NTRK2: variants seen among roughly 807,000 people sequenced by gnomAD.
The protein encoded by NTRK2 is neurotrophic receptor tyrosine kinase 2.
Under a neutral mutation model 94.5 loss-of-function variants are expected in NTRK2, and 13 were observed. The ratio of observed to expected loss-of-function variants is 0.14; its 90% CI spans 0.09 to 0.22. The LOEUF (loss-of-function observed/expected upper bound fraction) is 0.22. Ranked by LOEUF, NTRK2 falls within the 10% of genes least tolerant of loss-of-function variation. NTRK2 has a pLI of 1.00. For synonymous variants in NTRK2, 372 were observed against 407.4 expected (o/e 0.91, Z 1.05); for missense variants, 639 against 1,071.2 (o/e 0.60, Z 5.63).
intron 17 of NTRK2, among the ~76,000 whole-genome samples, chr9:85,014,824 G>A (rs981785283): frequency 2.6e-5 from 4 of 152,152 alleles, no homozygotes; most frequent in African/African-American, 4.8e-5. Flanking sequence ...TAACTAGAAC[G>A]CAGTTGTTAT....
chr9:84,924,794 A>G (rs891783989), intron 14 of NTRK2, among the ~76,000 whole-genome samples: 2 of 152,162 alleles, frequency 1.3e-5, no homozygotes, highest in African/African-American at 4.8e-5. Flanking sequence ...ACTCCTATGG[A>G]CACTTGCTCT....
chr9:84,934,194 C>T lies in NTRK2; in HGVS notation c.1666C>T (p.Leu556=), dbSNP rs2132718727. 6.2e-7 allele frequency: 1 copy of T among 1,613,966 alleles called. No homozygotes were observed. The highest frequency in any genetic ancestry group is 8.5e-7 in the Non-Finnish European group (1 of 1,179,944). ...GCACATCAAGCGACATAACATTGTT[C>T]TGAAAAGGGAGCTAGGCGAAGGAGC... ...VQHIKRHNIV[L]KRELGEGAFG... is the part of the protein sequence containing the mutation. The change falls in exon 15 of 19, where the codon CTG becomes TTG. Residue 556 remains leucine, a synonymous_variant. Transcript: ENST00000277120.
intron 12 of NTRK2, among the ~76,000 whole-genome samples, chr9:84,790,698 G>C (rs182975399): frequency 6.6e-6 from 1 of 152,170 alleles, no homozygotes; most frequent in South Asian, 2.1e-4. Context: ...TAAGTGTGGG[G>C]CAGATGAGAT....
intron 12 of NTRK2, among the ~76,000 whole-genome samples, chr9:84,804,103 C>T (rs530710558): frequency 6.6e-6 from 1 of 151,980 alleles, no homozygotes; most frequent in South Asian, 2.1e-4. Flanking sequence ...AAAAGTGTTG[C>T]TTCATGACAA....
intron 13 of NTRK2, among the ~76,000 whole-genome samples, chr9:84,864,748 T>TC (rs1166472708): frequency 6.8e-6 from 1 of 146,428 alleles, no homozygotes; most frequent in Non-Finnish European, 1.5e-5. Context: ...TTTTTTTTTT[T>TC]TTTTTTTTTT....
rs535584635 is a variant in NTRK2, at chr9:84,704,289, C to T, written c.359+1870C>T. On this transcript the variant is annotated intron_variant, in intron 4 of 18. Transcript: ENST00000277120. ...TGTCACCCAGGCTGGAGTGCAGTGGCTCGATCTCGGCTCACTGCAAGCTCC... is the reference window on the plus strand; with the variant it reads ...TGTCACCCAGGCTGGAGTGCAGTGGTTCGATCTCGGCTCACTGCAAGCTCC... Among the ~76,000 whole-genome samples the T allele has an allele frequency of 7.8e-5, 10 of 127,848 alleles. No homozygotes were observed. In the Admixed American group the frequency reaches 1.0e-3, roughly 13 times the overall value. The allele number at this position is 127,848 out of a possible 152,430, so 83.9% of individuals were successfully genotyped here.
intron 11 of NTRK2, among the ~76,000 whole-genome samples, chr9:84,749,548 T>G (rs1198385515): frequency 6.6e-6 from 1 of 152,202 alleles, no homozygotes; most frequent in Non-Finnish European, 1.5e-5. Context: ...GCTCAGAAGG[T>G]GTGACTGTGA....
intron 6 of NTRK2, among the ~76,000 whole-genome samples, chr9:84,722,557 G>A (rs1210686511): frequency 6.6e-6 from 1 of 152,082 alleles, no homozygotes; most frequent in Admixed American, 6.5e-5. Flanking sequence ...TCAAGACATA[G>A]CTGTCGGGTG....
chr9:84,746,748 C>G (rs2064116739), intron 11 of NTRK2, among the ~76,000 whole-genome samples: 1 of 152,242 alleles, frequency 6.6e-6, no homozygotes, highest in African/African-American at 2.4e-5. Context: ...GGCTCCCCAT[C>G]CCAGGCATTT....
At chr9:84,720,017 C>CA (rs57132074) in intron 6 of NTRK2, among the ~76,000 whole-genome samples, 3,218 of 87,292 alleles carry the variant, frequency 0.037, 146 homozygotes, top group African/African-American at 0.11. Context: ...AAGACTATCT[C>CA]AAAAAAAAAA....
Position 85,022,190 on chromosome 9 carries a change from C to T in NTRK2, c.*753C>T, listed in dbSNP as rs201661498. 9 of 233,152 alleles carry T rather than the reference C, an allele frequency of 3.9e-5. No homozygotes were observed. The highest frequency in any genetic ancestry group is 7.6e-5 in the Non-Finnish European group (9 of 118,076). 14.4% of individuals were successfully genotyped at this position (233,152 alleles called of 1,614,324 possible). A position where few individuals can be genotyped will look rare whatever the true frequency, so the allele number is the denominator to read the frequency against. On this transcript the variant is annotated 3_prime_UTR_variant, in exon 19 of 19. Transcript: ENST00000277120. ...TTAGGAAATACTCAGCAACTGTTAG[C>T]TGGGAAGAATGTATTCGGCACCTTC...
chr9:84,743,312 A>G (rs989783560), intron 10 of NTRK2, among the ~76,000 whole-genome samples: 3 of 152,178 alleles, frequency 2.0e-5, no homozygotes, highest in Admixed American at 6.5e-5. Context: ...TATTTTCTGT[A>G]AAATATTCTG....
At chr9:84,974,760 A>C (rs1826603090) in intron 17 of NTRK2, among the ~76,000 whole-genome samples, 1 of 152,130 alleles carries the variant, frequency 6.6e-6, no homozygotes, top group Non-Finnish European at 1.5e-5. Context: ...AGGTCCCCTT[A>C]GAACTTCCAA....
chr9:84,751,845 T>C, intron 11 of NTRK2, 141 bp from the exon 12 acceptor site: 1 of 715,292 alleles, frequency 1.4e-6, no homozygotes, highest in East Asian at 2.7e-5. Context: ...TTGGTGTACA[T>C]AAGGCTGTTA....
At chr9:84,850,111 T>C (rs563238839) in intron 12 of NTRK2, among the ~76,000 whole-genome samples, 60 of 152,220 alleles carry the variant, frequency 3.9e-4, no homozygotes, top group Non-Finnish European at 7.4e-4. Flanking sequence ...GGGGAATAAA[T>C]AAATGCTTCA....
intron 12 of NTRK2, among the ~76,000 whole-genome samples, chr9:84,810,346 A>G (rs2071632694): frequency 6.6e-6 from 1 of 152,192 alleles, no homozygotes; most frequent in South Asian, 2.1e-4. Context: ...TAAGTTGCTC[A>G]ATAATGAGAT....
intron 12 of NTRK2, among the ~76,000 whole-genome samples, chr9:84,762,537 G>A (rs1342161867): frequency 1.3e-5 from 2 of 152,144 alleles, no homozygotes; most frequent in African/African-American, 4.8e-5. Flanking sequence ...AGATTTATGT[G>A]CATATTATGT....
intron 12 of NTRK2, among the ~76,000 whole-genome samples, chr9:84,860,686 C>T (rs2075291836): frequency 6.6e-6 from 1 of 152,132 alleles, no homozygotes; most frequent in African/African-American, 2.4e-5. Flanking sequence ...GATCTCTCCA[C>T]TAAGGGGGAA....
chr9:84,822,071 A>G (rs1004604718), intron 12 of NTRK2, among the ~76,000 whole-genome samples: 18 of 151,838 alleles, frequency 1.2e-4, no homozygotes, highest in African/African-American at 3.6e-4. Flanking sequence ...GATACATTTC[A>G]TCTCCAAATT....
Sources: gnomAD v4.1 joint callset for allele counts (sites outside exome capture counted in the v4.1 genomes callset) on GRCh38, gnomAD v4.1.1 for gene constraint, MANE v1.5 for transcripts, NCBI Gene and HGNC (gene_info 2026-07-23, HGNC 2026-07-21) for gene names.